The following CACNG8 variants were observed in gnomAD, a reference collection of about 807,000 sequenced individuals.
CACNG8 encodes calcium voltage-gated channel auxiliary subunit gamma 8, also known as voltage-dependent calcium channel gamma-8 subunit.
In CACNG8, 5 loss-of-function variants were observed where a neutral mutation model predicts 26.9. The ratio of observed to expected loss-of-function variants is 0.19; its 90% CI spans 0.10 to 0.39. The LOEUF is 0.39. CACNG8 is among the 10% of genes least tolerant of loss of function. CACNG8 has a pLI of 1.00. For missense variants in CACNG8, 473 were observed against 609.4 expected, an observed-to-expected ratio of 0.78 and a Z score of 2.36; for synonymous variants, 321 against 296.7, an observed-to-expected ratio of 1.08 and a Z score of -0.84.
chr19:53,989,117 T>G lies in CACNG8; in HGVS notation c.*6268T>G, dbSNP rs2069424564. The G allele has an allele frequency of 6.6e-6, 1 of 151,950 alleles. No individual in the cohort carries two copies. The highest frequency in any genetic ancestry group is 1.5e-5 in the Non-Finnish European group (1 of 68,042). The allele number at this position is 151,950 out of a possible 1,614,324, so 9.4% of individuals were successfully genotyped here. ...ACCCCGTCTCTACAAAAATGAAAAA[T>G]GAGCTGTGGCGTGGTGGCTCACGCC... is the stretch of plus-strand genomic sequence containing the variant. On this transcript the variant is annotated 3_prime_UTR_variant, in exon 4 of 4. Transcript: ENST00000270458.
chr19:53,972,428 C>A (rs539585962), intron 1 of CACNG8, among the ~76,000 whole-genome samples: 2 of 129,120 alleles, frequency 1.5e-5, no homozygotes, highest in South Asian at 5.0e-4. Flanking sequence ...ATGGTGTGAT[C>A]TCTGCTCACT....
rs2069419936 is a variant in CACNG8 at position 53,988,310 on chromosome 19, G to GTGTGTA, written c.*5461_*5462insTGTGTA. Reference sequence around the variant, plus strand: ...TGTGTGTGTGTGTGTGTGTGTAACTGACACAAAGGCCAGGTGCGATGGCTC... The same window carrying GTGTGTA: ...TGTGTGTGTGTGTGTGTGTGTAACTGTGTGTAACACAAAGGCCAGGTGCGATGGCTC... On this transcript the variant is annotated 3_prime_UTR_variant, in exon 4 of 4. Coordinates refer to ENST00000270458, the MANE Select transcript of CACNG8 (RefSeq NM_031895.6). 6.7e-6 allele frequency: 1 copy of GTGTGTA among 150,108 alleles called. No homozygotes were observed. Among genetic ancestry groups the GTGTGTA allele is most frequent in the African/African-American group, 2.5e-5 (1 of 40,478 alleles). 9.3% of individuals were successfully genotyped at this position (150,108 alleles called of 1,614,324 possible).
rs2069381656 is a variant in CACNG8, at chr19:53,982,795, G to A, written c.1224G>A (p.Lys408=). The A allele has an allele frequency of 2.9e-6, 4 of 1,366,866 alleles. No individual in the cohort carries two copies. Among genetic ancestry groups the A allele is most frequent in the South Asian group, 3.0e-5 (2 of 67,072 alleles). The allele number at this position is 1,366,866 out of a possible 1,614,324, so 84.7% of individuals were successfully genotyped here. A position where few individuals can be genotyped will look rare whatever the true frequency, so the allele number is the denominator to read the frequency against. ...CGCCCGCCCCCGGGACCCTGGCCAA[G>A]GAGGCCGCCGCCTCCAACACCAACA... The change falls in exon 4 of 4, where the codon AAG becomes AAA. Residue 408 remains lysine (K), a synonymous_variant. Coordinates refer to ENST00000270458, the MANE Select transcript of CACNG8 (RefSeq NM_031895.6). This position sits in a 1 kb window ranked among gnomAD's most constrained non-coding sequence, Gnocchi z 8.4.
intron 1 of CACNG8, among the ~76,000 whole-genome samples, chr19:53,966,758 G>A (rs1304283495): frequency 1.3e-5 from 2 of 152,202 alleles, no homozygotes; most frequent in East Asian, 1.9e-4. Flanking sequence ...GCCGTTGAAG[G>A]TTCTTGAGCA....
chr19:53,982,317 C>T lies in CACNG8; in HGVS notation c.746C>T (p.Ala249Val). 2 of 1,593,228 alleles carry T rather than the reference C, an allele frequency of 1.3e-6. No individual in the cohort carries two copies. Among genetic ancestry groups the T allele is most frequent in the Non-Finnish European group, 1.7e-6 (2 of 1,171,932 alleles). The stretch of plus-strand genomic sequence containing the variant: ...GACCTGCTCAAGGCCGGCGGGGGCG[C>T]GGGCGGCAGTGGCGGGAGCGGCCCC... The change falls in exon 4 of 4, where the codon GCG (alanine) becomes GTG (valine). Residue 249 changes from alanine to valine, a missense_variant. Ala to Val is a moderately conservative substitution (Grantham distance 64). Around this residue, in one of 6 missense-constraint regions of CACNG8, gnomAD observed 155 missense variants for 253.0 expected, o/e 0.61. Transcript: ENST00000270458. This position sits in a 1 kb window ranked among gnomAD's most constrained non-coding sequence, Gnocchi z 8.4.
In CACNG8 at chr19:53,989,064, T is replaced by G. The variant is rs1461857934; in HGVS notation, c.*6215T>G. 3.3e-5 allele frequency: 5 copies of G among 152,238 alleles called. No homozygotes were observed. The highest frequency in any genetic ancestry group is 1.2e-4 in the African/African-American group (5 of 41,454). 9.4% of individuals were successfully genotyped at this position (152,238 alleles called of 1,614,324 possible). A position where few individuals can be genotyped will look rare whatever the true frequency, so the allele number is the denominator to read the frequency against. ...AGGAGGATTGCTTGAGGCTTGGCGT[T>G]TGAGACCAGCCTGGGCAATATAGTA... is the stretch of plus-strand genomic sequence containing the variant. On this transcript the variant is annotated 3_prime_UTR_variant, in exon 4 of 4. Coordinates refer to ENST00000270458, the MANE Select transcript of CACNG8 (RefSeq NM_031895.6).
intron 1 of CACNG8, among the ~76,000 whole-genome samples, chr19:53,976,223 G>A (rs964089426): frequency 6.6e-5 from 10 of 152,128 alleles, no homozygotes; most frequent in African/African-American, 9.7e-5. Flanking sequence ...GCATGGTGGC[G>A]CAAGCCTGTA....
intron 1 of CACNG8, among the ~76,000 whole-genome samples, chr19:53,975,158 A>G (rs2069323667): frequency 1.3e-5 from 2 of 152,072 alleles, no homozygotes; most frequent in Admixed American, 1.3e-4. Context: ...TATGTTGGCC[A>G]GGATGGTCTC....
rs956303787 is a variant in CACNG8, at chr19:53,963,015, T to G, written c.-128T>G. 24 of 88,472 alleles carry G rather than the reference T, an allele frequency of 2.7e-4. No individual in the cohort carries two copies. Among genetic ancestry groups the G allele is most frequent in the East Asian group, 8.7e-4 (4 of 4,588 alleles). 5.5% of individuals were successfully genotyped at this position (88,472 alleles called of 1,614,324 possible). ...CGCAGCCTCCTCCTCGCCGCCCCCCTCCCCAGCCCCGCCGGCCCCGGGCCC... is the reference window on the plus strand; with the variant it reads ...CGCAGCCTCCTCCTCGCCGCCCCCCGCCCCAGCCCCGCCGGCCCCGGGCCC... On this transcript the variant is annotated 5_prime_UTR_variant, in exon 1 of 4. Coordinates refer to ENST00000270458, the MANE Select transcript of CACNG8 (RefSeq NM_031895.6).
Position 53,982,303 on chromosome 19 carries a change from G to A in CACNG8, c.732G>A (p.Lys244=), listed in dbSNP as rs747506589. 6.9e-6 allele frequency: 11 copies of A among 1,601,728 alleles called. No individual in the cohort carries two copies. Among genetic ancestry groups the A allele is most frequent in the East Asian group, 6.8e-5 (3 of 44,124 alleles). The change falls in exon 4 of 4, where the codon AAG becomes AAA. Residue 244 remains lysine (K), a synonymous_variant. Transcript: ENST00000270458. This position sits in a 1 kb window ranked among gnomAD's most constrained non-coding sequence, Gnocchi z 8.4. ...GCCAGTCTCGCTCGGACCTGCTCAA[G>A]GCCGGCGGGGGCGCGGGCGGCAGTG...
chr19:53,978,082 T>A, intron 1 of CACNG8, 64 bp from the exon 2 acceptor site: 1 of 1,099,648 alleles, frequency 9.1e-7, no homozygotes, highest in African/African-American at 1.5e-5. Context: ...CGGTTGTCAG[T>A]GGGGTTGCCC....
intron 1 of CACNG8, among the ~76,000 whole-genome samples, chr19:53,969,805 G>A (rs2069291789): frequency 6.6e-6 from 1 of 152,184 alleles, no homozygotes; most frequent in African/African-American, 2.4e-5. Flanking sequence ...TGCCTAAGGA[G>A]CGGCCGTTCT....
chr19:53,969,527 T>C (rs2069290271), intron 1 of CACNG8, among the ~76,000 whole-genome samples: 1 of 151,894 alleles, frequency 6.6e-6, no homozygotes. Flanking sequence ...CTCAACGCAT[T>C]GGGATTACAG....
intron 1 of CACNG8, among the ~76,000 whole-genome samples, chr19:53,976,252 G>A (rs558373551): frequency 1.3e-5 from 2 of 152,356 alleles, no homozygotes; most frequent in South Asian, 4.1e-4. Context: ...TACTCAGGAG[G>A]CTGAGGCAGG....
chr19:53,982,000 AG>A, intron 3 of CACNG8, 79 bp from the exon 4 acceptor site: 1 of 1,250,286 alleles, frequency 8.0e-7, no homozygotes, highest in East Asian at 3.5e-5. Flanking sequence ...CCGCTGGCGC[AG>A]GCGGGCAGGG....
intron 3 of CACNG8, 50 bp downstream of exon 3, chr19:53,980,057 C>CGTGTGTGTGTGT (rs56223082): frequency 2.7e-6 from 3 of 1,103,654 alleles, no homozygotes; most frequent in South Asian, 3.9e-5. Flanking sequence ...TGGGCGCGCA[C>CGTGTGTGTGTGT]GTGTGTGTGT....
chr19:53,963,181 C>T lies in CACNG8; in HGVS notation c.39C>T (p.Leu13=). 3 of 1,579,878 alleles carry T rather than the reference C, an allele frequency of 1.9e-6. No homozygotes were observed. The highest frequency in any genetic ancestry group is 2.6e-6 in the Non-Finnish European group (3 of 1,165,462). Residue 13 remains leucine (L), a synonymous_variant, in exon 1 of 4, where the codon CTC becomes CTT. Transcript: ENST00000270458. ...AGCGCTGGAACGAAGAGCGGGGCCT[C>T]TGGTGCGAGAAGGGGGTGCAGGTGC...
chr19:53,963,305 A>G lies in CACNG8; in HGVS notation c.163A>G (p.Thr55Ala). ...CACGCGCGCCCTCATCTGCAACACC[A>G]CCAACCTCACGGCCGGCGGCGACGA... Residue 55 changes from threonine (T) to alanine (A), a missense_variant, in exon 1 of 4, where the codon ACC (threonine) becomes GCC (alanine). By Grantham distance (58) the Thr-to-Ala change is moderately conservative. Around this residue, in one of 6 missense-constraint regions of CACNG8, gnomAD observed 69 missense variants for 66.7 expected, o/e 1.03. Coordinates refer to ENST00000270458, the MANE Select transcript of CACNG8 (RefSeq NM_031895.6). 4 of 1,605,464 alleles carry G rather than the reference A, an allele frequency of 2.5e-6. No homozygotes were observed. Among genetic ancestry groups the G allele is most frequent in the South Asian group, 1.1e-5 (1 of 90,824 alleles).
At chr19:53,964,119 C>G (rs1402004958) in intron 1 of CACNG8, among the ~76,000 whole-genome samples, 1 of 152,004 alleles carries the variant, frequency 6.6e-6, no homozygotes, top group African/African-American at 2.4e-5. Flanking sequence ...CCCTCTTTCC[C>G]GTCAGTTCAT....
Sources: allele counts gnomAD v4.1 joint callset (sites outside exome capture counted in the v4.1 genomes callset), GRCh38; gene constraint gnomAD v4.1.1; regional missense constraint gnomAD v4.1.1; non-coding constraint Gnocchi (gnomAD v3.1); transcripts MANE v1.5; gene names NCBI Gene and HGNC (gene_info 2026-07-23, HGNC 2026-07-21).